MYH16: variants seen among roughly 807,000 people sequenced by gnomAD.
MYH16 encodes myosin heavy chain 16, also known as putative uncharacterized protein MYH16.
chr7:99,288,273 C>T (rs922009848), intron 29 of MYH16, 136 bp downstream of exon 10: 21 of 373,472 alleles, frequency 5.6e-5, no homozygotes, highest in Non-Finnish European at 1.0e-4. Context: ...CAGACCTCGT[C>T]TCCTCAAAAA....
At chr7:99,248,001 C>T (rs1291180548) in intron 3 of MYH16, among the ~76,000 whole-genome samples, 1 of 152,202 alleles carries the variant, frequency 6.6e-6, no homozygotes, top group Non-Finnish European at 1.5e-5. Context: ...TTCACAAACC[C>T]GTGGGATGCC....
intron 3 of MYH16, among the ~76,000 whole-genome samples, chr7:99,248,797 G>A (rs542500568): frequency 2.0e-5 from 3 of 152,306 alleles, no homozygotes; most frequent in African/African-American, 7.2e-5. Flanking sequence ...TTTCTGCAAG[G>A]GTGTACACTG....
At chr7:99,309,205 G>A (rs140496341), downstream of MYH16, among the ~76,000 whole-genome samples, 313 of 152,292 alleles carry the variant, frequency 2.1e-3, 1 homozygote, top group African/African-American at 7.2e-3. Flanking sequence ...CGCTTTGGGA[G>A]GTGGGGTGGG....
chr7:99,300,253 C>T (rs1191274829), intron 37 of MYH16, among the ~76,000 whole-genome samples: 1 of 152,168 alleles, frequency 6.6e-6, no homozygotes, highest in African/African-American at 2.4e-5. Context: ...AGCCACCACG[C>T]CCAGCCCTGT....
chr7:99,276,455 G>A (rs146025391), intron 20 of MYH16, among the ~76,000 whole-genome samples: 111 of 152,388 alleles, frequency 7.3e-4, no homozygotes, highest in African/African-American at 2.2e-3. Context: ...AAAGGGATGG[G>A]AGGGAGGTCT....
At chr7:99,295,836 G>GA (rs869299904) in intron 33 of MYH16, among the ~76,000 whole-genome samples, 5,444 of 56,000 alleles carry the variant, frequency 0.097, 538 homozygotes, top group African/African-American at 0.3. Context: ...TCATCTCTTG[G>GA]AAAAAAAAAA....
At chr7:99,294,128 A>T (rs1228632906) in exon 33 of MYH16, 2 of 456,170 alleles carry the variant, frequency 4.4e-6, no homozygotes, top group South Asian at 1.6e-5. Context: ...GAAGTTGAGG[A>T]CCTCACCATC....
At chr7:99,268,849 T>C (rs1792017163) in intron 18 of MYH16, among the ~76,000 whole-genome samples, 1 of 152,236 alleles carries the variant, frequency 6.6e-6, no homozygotes, top group African/African-American at 2.4e-5. Flanking sequence ...CAGGGAGCAT[T>C]CTTCCTCATC....
At chr7:99,298,236 GT>G (rs1225164206) in intron 36 of MYH16, among the ~76,000 whole-genome samples, 279 of 141,204 alleles carry the variant, frequency 2.0e-3, no homozygotes, top group Middle Eastern at 3.6e-3. Context: ...GTTCTTTTTG[GT>G]TTTTTTTTTT....
chr7:99,288,295 C>T (rs1792314333), intron 29 of MYH16, among the ~76,000 whole-genome samples, 158 bp downstream of exon 10: 2 of 151,958 alleles, frequency 1.3e-5, no homozygotes, highest in African/African-American at 4.8e-5. Flanking sequence ...TGAAATTAGC[C>T]AGGGATGGTA....
At chr7:99,297,333 T>A (rs1792515757) in intron 34 of MYH16, among the ~76,000 whole-genome samples, 1 of 152,082 alleles carries the variant, frequency 6.6e-6, no homozygotes, top group Non-Finnish European at 1.5e-5. Flanking sequence ...CTTGGGAGGC[T>A]GAGGCAGGAG....
chr7:99,299,916 T>TTTTTA lies in MYH16; in HGVS notation n.4933+272_4933+276dup, dbSNP rs1030693966. On this transcript the variant is annotated intron_variant and non_coding_transcript_variant, in intron 37 of 41. Coordinates refer to ENST00000439784, the Ensembl canonical transcript of MYH16. ...AAACAGGAAGTTGGGCCCGTCTAGATTTTTATTTTATTTTATTTATTTATT... is the reference window on the plus strand; with the variant it reads ...AAACAGGAAGTTGGGCCCGTCTAGATTTTTATTTTATTTTATTTTATTTATTTATT... Among the ~76,000 whole-genome samples the TTTTTA allele has an allele frequency of 3.2e-3, 476 of 148,552 alleles. 5 individuals carry two copies. Among genetic ancestry groups the TTTTTA allele is most frequent in the African/African-American group, 1.0e-2 (400 of 40,014 alleles).
intron 25 of MYH16, 42 bp downstream of exon 7, chr7:99,284,060 C>T (rs542877022): frequency 9.4e-5 from 39 of 416,944 alleles, no homozygotes; most frequent in African/African-American, 7.7e-4. Flanking sequence ...ACAATGGTAG[C>T]AATAGCTGGA....
intron 5 of MYH16, among the ~76,000 whole-genome samples, chr7:99,250,917 C>T (rs563298352): frequency 3.6e-4 from 55 of 152,284 alleles, no homozygotes; most frequent in Non-Finnish European, 7.2e-4. Flanking sequence ...CAGTGGCCCT[C>T]GTCCCAGGTT....
At chr7:99,283,356 C>T (rs1490942392) in intron 23 of MYH16, among the ~76,000 whole-genome samples, 1 of 152,214 alleles carries the variant, frequency 6.6e-6, no homozygotes, top group South Asian at 2.1e-4. Flanking sequence ...CTGGCTCAAG[C>T]AATTGACCTC....
chr7:99,288,784 C>T (rs185790775), intron 29 of MYH16, among the ~76,000 whole-genome samples: 4 of 151,774 alleles, frequency 2.6e-5, no homozygotes, highest in Admixed American at 6.6e-5. Context: ...CACCTTAGAG[C>T]GCTACTGTGA....
At chr7:99,255,668 G>A (rs1341097873) in exon 9 of MYH16, 1 of 153,186 alleles carries the variant, frequency 6.5e-6, no homozygotes, top group Non-Finnish European at 1.5e-5. Flanking sequence ...TGACAAGGAG[G>A]AGCTGCAGAT....
rs934050839 is a variant in MYH16 at position 99,279,604 on chromosome 7, G to A, written n.2754G>A. 1.1e-5 allele frequency: 5 copies of A among 456,608 alleles called. No individual in the cohort carries two copies. The East Asian group carries it at 2.1e-4, about 19-fold the overall frequency. 28.3% of individuals were successfully genotyped at this position (456,608 alleles called of 1,614,324 possible). The stretch of plus-strand genomic sequence containing the variant: ...AGCCAGATCTCAGACATGCGGGAGC[G>A]GCTGGAGGAGGAAGAGGGCATGGCG... On this transcript the variant is annotated non_coding_transcript_exon_variant, in exon 22 of 42. Transcript: ENST00000439784.
At chr7:99,309,381 G>A (rs942437992), downstream of MYH16, among the ~76,000 whole-genome samples, 4 of 152,160 alleles carry the variant, frequency 2.6e-5, no homozygotes, top group South Asian at 4.1e-4. Flanking sequence ...GGCCAAAAGC[G>A]ATAACCCCAT....
Sources: gnomAD v4.1 joint callset for allele counts (sites outside exome capture counted in the v4.1 genomes callset) on GRCh38, gnomAD v4.1.1 for gene constraint, MANE v1.5 for transcripts, NCBI Gene and HGNC (gene_info 2026-07-23, HGNC 2026-07-21) for gene names.